Variants in CIMIP2A observed in about 807,000 individuals in gnomAD.
The protein encoded by CIMIP2A is ciliary microtubule inner protein 2A, also known as family with sequence similarity 166 member A.
chr9:137,245,386 C>G, the CIMIP2A span: 1 of 1,613,388 alleles, frequency 6.2e-7, no homozygotes, highest in Non-Finnish European at 8.5e-7. Context: ...TCCCAAGTCT[C>G]TGGAGTCTCC....
At chr9:137,252,633 C>A in the CIMIP2A span, 1 of 1,457,914 alleles carries the variant, frequency 6.9e-7, no homozygotes, top group South Asian at 1.2e-5. Flanking sequence ...AGCACCCTGC[C>A]CTGCAGCCCG....
At chr9:137,254,995 C>T in the CIMIP2A span, among the ~76,000 whole-genome samples, 1 of 152,226 alleles carries the variant, frequency 6.6e-6, no homozygotes, top group Non-Finnish European at 1.5e-5. Flanking sequence ...GGGAGCTCAA[C>T]CCCCGGCAAA....
the CIMIP2A span, chr9:137,250,827 C>T: frequency 3.4e-5 from 6 of 176,666 alleles, no homozygotes; most frequent in Non-Finnish European, 7.3e-5. Context: ...GGTGGCGGCT[C>T]CTCCTCTTCC....
chr9:137,247,760 C>G, the CIMIP2A span: 2 of 1,591,730 alleles, frequency 1.3e-6, no homozygotes, highest in African/African-American at 2.7e-5. Context: ...CTCCCGGCAT[C>G]CAGCTCCCTT....
chr9:137,245,209 A>G, the CIMIP2A span: 1 of 1,581,334 alleles, frequency 6.3e-7, no homozygotes, highest in South Asian at 1.1e-5. Context: ...TCCCTCTGGC[A>G]GTGGTACAGC....
At chr9:137,246,573 C>G in the CIMIP2A span, among the ~76,000 whole-genome samples, 1 of 152,024 alleles carries the variant, frequency 6.6e-6, no homozygotes, top group Admixed American at 6.5e-5. Context: ...ACCATCCTGG[C>G]CAACATGGTG....
At chr9:137,243,882 T>G in the CIMIP2A span, 2 of 1,355,172 alleles carry the variant, frequency 1.5e-6, no homozygotes, top group Non-Finnish European at 2.1e-6. Flanking sequence ...GGGGCTGCCC[T>G]GGGCCCTGGG....
At chr9:137,247,800 C>T in the CIMIP2A span, 2 of 1,363,236 alleles carry the variant, frequency 1.5e-6, no homozygotes, top group Non-Finnish European at 2.1e-6. Flanking sequence ...ACCGGGCAAC[C>T]ATTGTGAGGG....
chr9:137,249,183 C>T, the CIMIP2A span, among the ~76,000 whole-genome samples: 3 of 152,214 alleles, frequency 2.0e-5, no homozygotes, highest in East Asian at 1.9e-4. Flanking sequence ...AAAAAAAGAC[C>T]GCAGTCCGTA....
the CIMIP2A span, chr9:137,246,001 T>A: frequency 1.8e-6 from 1 of 557,388 alleles, no homozygotes; most frequent in Non-Finnish European, 3.0e-6. Flanking sequence ...TGCTCACCTG[T>A]AAATGGGGCT....
the CIMIP2A span, chr9:137,245,429 T>C: frequency 5.0e-6 from 8 of 1,613,220 alleles, no homozygotes; most frequent in Non-Finnish European, 6.8e-6. Flanking sequence ...GGGTGCGGGG[T>C]GTCGGGCGTG....
the CIMIP2A span, among the ~76,000 whole-genome samples, chr9:137,249,518 C>T: frequency 5.3e-5 from 8 of 152,072 alleles, no homozygotes; most frequent in East Asian, 5.8e-4. Flanking sequence ...GGGGTGCGGG[C>T]GGGGGACTTT....
At chr9:137,252,467 T>TG in the CIMIP2A span, 1 of 1,610,406 alleles carries the variant, frequency 6.2e-7, no homozygotes, top group Non-Finnish European at 8.5e-7. Flanking sequence ...TGGCAGACTT[T>TG]GTGGTTCCAG....
the CIMIP2A span, chr9:137,252,077 C>G: frequency 6.2e-7 from 1 of 1,612,814 alleles, no homozygotes; most frequent in Non-Finnish European, 8.5e-7. Context: ...CGAGCCCGTC[C>G]GTACGAGAGT....
At chr9:137,245,586 C>T in the CIMIP2A span, 67 of 1,613,454 alleles carry the variant, frequency 4.2e-5, no homozygotes, top group South Asian at 7.7e-5. Flanking sequence ...CTGTGAGTGC[C>T]GGGACAGGCA....
the CIMIP2A span, among the ~76,000 whole-genome samples, chr9:137,253,762 A>G: frequency 1.3e-5 from 2 of 152,290 alleles, no homozygotes; most frequent in Admixed American, 1.3e-4. Flanking sequence ...GAGCCAGGGA[A>G]CTGGGAAGGA....
the CIMIP2A span, chr9:137,253,007 G>T: frequency 1.9e-6 from 3 of 1,555,476 alleles, no homozygotes; most frequent in African/African-American, 4.1e-5. Context: ...ATGGGGCATG[G>T]GTGGGCAATG....
the CIMIP2A span, chr9:137,243,807 C>T: frequency 6.2e-7 from 1 of 1,613,264 alleles, no homozygotes; most frequent in East Asian, 2.2e-5. Flanking sequence ...AGCCAGGCTG[C>T]AGCTGAGCTG....
the CIMIP2A span, chr9:137,245,081 A>G: frequency 6.2e-7 from 1 of 1,610,476 alleles, no homozygotes; most frequent in Non-Finnish European, 8.5e-7. Flanking sequence ...GCCCAGGCCC[A>G]CACCCACCTG....
Sources: gnomAD v4.1 joint callset for allele counts (sites outside exome capture counted in the v4.1 genomes callset) on GRCh38, gnomAD v4.1.1 for gene constraint, MANE v1.5 for transcripts, NCBI Gene and HGNC (gene_info 2026-07-23, HGNC 2026-07-21) for gene names.